The following GRIA4 variants were observed in gnomAD, a reference collection of about 807,000 sequenced individuals.
The protein encoded by GRIA4 is glutamate ionotropic receptor AMPA type subunit 4, also known as glutamate receptor 4.
In GRIA4, 34 loss-of-function variants were observed where a neutral mutation model predicts 104.0. The observed-to-expected ratio is 0.33, with a 90% confidence interval of 0.25 to 0.44. The LOEUF is 0.44. Ranked by LOEUF, GRIA4 falls within the 20% of genes least tolerant of loss-of-function variation. GRIA4 has a pLI of 1.00. For synonymous variants in GRIA4, 386 were observed against 381.9 expected (o/e 1.01, Z -0.13); for missense variants, 750 against 1,096.5 (o/e 0.68, Z 4.46).
intron 3 of GRIA4, among the ~76,000 whole-genome samples, chr11:105,636,498 T>C (rs1951205949): frequency 6.6e-6 from 1 of 152,168 alleles, no homozygotes; most frequent in Admixed American, 6.6e-5. Context: ...GTTTTTATCA[T>C]TTTCTTTTCT....
chr11:105,962,789 A>G (rs1215655892), intron 14 of GRIA4, among the ~76,000 whole-genome samples: 1 of 152,126 alleles, frequency 6.6e-6, no homozygotes, highest in Non-Finnish European at 1.5e-5. Context: ...GTGGTCCCTT[A>G]TTGCTTTTTC....
chr11:105,872,265 T>C (rs1170461660), intron 5 of GRIA4, among the ~76,000 whole-genome samples: 2 of 152,118 alleles, frequency 1.3e-5, no homozygotes, highest in African/African-American at 4.8e-5. Flanking sequence ...GAAAACTTGA[T>C]TTAAGAAAAA....
At chr11:105,874,642 C>A (rs986991504) in intron 5 of GRIA4, among the ~76,000 whole-genome samples, 1 of 151,986 alleles carries the variant, frequency 6.6e-6, no homozygotes. Flanking sequence ...ATATCCCTTG[C>A]AAGTTGGATT....
rs1011273859 is a variant in GRIA4 at position 105,713,492 on chromosome 11, A to T, written c.248-39489A>T. Among the ~76,000 whole-genome samples the T allele has an allele frequency of 2.6e-5, 4 of 152,282 alleles. No homozygotes were observed. In the East Asian group the frequency reaches 5.8e-4, roughly 22 times the overall value. ...CTTGTCAAAATGATGGAATTATGGGATCTTTTCCAGATTTTTCTTTAATGC... is the reference window on the plus strand; with the variant it reads ...CTTGTCAAAATGATGGAATTATGGGTTCTTTTCCAGATTTTTCTTTAATGC... On this transcript the variant is annotated intron_variant, in intron 3 of 16. Transcript: ENST00000282499.
At chr11:105,727,848 G>A (rs1050506854) in intron 3 of GRIA4, among the ~76,000 whole-genome samples, 2 of 152,106 alleles carry the variant, frequency 1.3e-5, no homozygotes, top group Admixed American at 1.3e-4. Context: ...TCACCACCAG[G>A]CCTGCCTTAC....
At chr11:105,915,787 G>A (rs1947385275) in intron 10 of GRIA4, among the ~76,000 whole-genome samples, 1 of 152,050 alleles carries the variant, frequency 6.6e-6, no homozygotes, top group African/African-American at 2.4e-5. Context: ...AATGCAATAA[G>A]CGCTTCAAAA....
At chr11:105,634,446 A>G (rs1202690799) in intron 3 of GRIA4, among the ~76,000 whole-genome samples, 40 of 113,906 alleles carry the variant, frequency 3.5e-4, no homozygotes, top group African/African-American at 9.8e-4. Flanking sequence ...GAAAGGAAGG[A>G]AGGAGAAAGA....
intron 4 of GRIA4, among the ~76,000 whole-genome samples, chr11:105,849,106 C>A (rs916237897): frequency 2.0e-5 from 3 of 152,108 alleles, no homozygotes; most frequent in Non-Finnish European, 2.9e-5. Context: ...ATAGGAAAAT[C>A]ACTTGAACCT....
At chr11:105,657,884 A>G (rs1951890361) in intron 3 of GRIA4, among the ~76,000 whole-genome samples, 1 of 151,906 alleles carries the variant, frequency 6.6e-6, no homozygotes, top group South Asian at 2.1e-4. Context: ...AAGGAGGTAT[A>G]TGGAAACTCT....
chr11:105,815,096 T>G (rs1344228357), intron 4 of GRIA4, among the ~76,000 whole-genome samples: 4 of 152,194 alleles, frequency 2.6e-5, no homozygotes. Context: ...TAGCCCTTTT[T>G]GCTTATTGAG....
Position 105,634,468 on chromosome 11 carries a change from GGAAAGAAAGAAA to G in GRIA4, c.247+22070_247+22081del, listed in dbSNP as rs751748317. ...AGGAAGGAGAAAGAAAGAAAGAAAG[GGAAAGAAAGAAA>G]GAAAGAAAGAAAGAAAGAAAGAAAG... On this transcript the variant is annotated intron_variant, in intron 3 of 16. Transcript: ENST00000282499. Among the ~76,000 whole-genome samples the G allele has an allele frequency of 5.7e-3, 534 of 94,312 alleles. 10 individuals are homozygous for G. The highest frequency in any genetic ancestry group is 0.02 in the African/African-American group (497 of 24,474). 61.9% of individuals were successfully genotyped at this position (94,312 alleles called of 152,430 possible). A position where few individuals can be genotyped will look rare whatever the true frequency, so the allele number is the denominator to read the frequency against.
intron 3 of GRIA4, among the ~76,000 whole-genome samples, chr11:105,730,557 C>A (rs1405156802): frequency 6.6e-6 from 1 of 152,094 alleles, no homozygotes; most frequent in Non-Finnish European, 1.5e-5. Context: ...CGAAAAAGAG[C>A]CTGTATAGCC....
Position 105,974,441 on chromosome 11 carries a change from G to A in GRIA4, c.2541G>A (p.Met847Ile), listed in dbSNP as rs1243076578. ...AGTCCAGGGCAGAAGCGAAGAGAAT[G>A]AAGGTGGCAAAGAGTGCACAGACTT... ...CYKSRAEAKR[M>I]KLTFSEAIRN... The change falls in exon 16 of 17, where the codon ATG (methionine) becomes ATA (isoleucine). Residue 847 changes from methionine (M) to isoleucine (I), a missense_variant. Around this residue, in one of 3 missense-constraint regions of GRIA4, gnomAD observed 68 missense variants for 69.3 expected, o/e 0.98. Coordinates refer to ENST00000282499, the MANE Select transcript of GRIA4 (RefSeq NM_000829.4). The A allele has an allele frequency of 1.9e-6, 3 of 1,614,012 alleles. No individual in the cohort carries two copies. The South Asian group carries it at 3.3e-5, about 18-fold the overall frequency.
intron 4 of GRIA4, among the ~76,000 whole-genome samples, chr11:105,761,320 T>G (rs1208257906): frequency 6.6e-6 from 1 of 152,188 alleles, no homozygotes; most frequent in East Asian, 1.9e-4. Flanking sequence ...CAAAAGTGTA[T>G]CTTTTGACAT....
chr11:105,743,652 G>A (rs1020326218), intron 3 of GRIA4, among the ~76,000 whole-genome samples: 3 of 151,918 alleles, frequency 2.0e-5, no homozygotes, highest in African/African-American at 7.3e-5. Context: ...TAGACACCTG[G>A]GACCTCAAAC....
chr11:105,904,863 G>C (rs1169043991), intron 8 of GRIA4, among the ~76,000 whole-genome samples: 1 of 152,060 alleles, frequency 6.6e-6, no homozygotes, highest in Non-Finnish European at 1.5e-5. Flanking sequence ...TGGATATATA[G>C]ATAAAACTGA....
intron 4 of GRIA4, among the ~76,000 whole-genome samples, chr11:105,770,343 T>C (rs1015530409): frequency 6.6e-6 from 1 of 152,112 alleles, no homozygotes; most frequent in East Asian, 1.9e-4. Context: ...AAGAAATGTG[T>C]TGGTCAATAT....
intron 5 of GRIA4, among the ~76,000 whole-genome samples, chr11:105,863,878 A>C (rs1320496107): frequency 6.6e-6 from 1 of 152,208 alleles, no homozygotes; most frequent in Non-Finnish European, 1.5e-5. Context: ...CTAAGAAGAA[A>C]ATTGGCACAC....
intron 4 of GRIA4, among the ~76,000 whole-genome samples, chr11:105,773,883 A>AT (rs1941333427): frequency 6.6e-6 from 1 of 152,022 alleles, no homozygotes; most frequent in South Asian, 2.1e-4. Flanking sequence ...AAAAAAAAAA[A>AT]AAGTAAGAGT....
Sources: allele counts gnomAD v4.1 joint callset (sites outside exome capture counted in the v4.1 genomes callset), GRCh38; gene constraint gnomAD v4.1.1; regional missense constraint gnomAD v4.1.1; transcripts MANE v1.5; gene names NCBI Gene and HGNC (gene_info 2026-07-23, HGNC 2026-07-21).